Variants in DNM3 observed in about 807,000 individuals in gnomAD.
DNM3 encodes the protein dynamin 3.
Under a neutral mutation model 101.6 loss-of-function variants are expected in DNM3, and 47 were observed. The ratio of observed to expected loss-of-function variants is 0.46; its 90% CI spans 0.37 to 0.59. DNM3 has a LOEUF of 0.59. DNM3 is among the 20% of genes least tolerant of loss of function. DNM3 has a pLI of 0.00. For synonymous variants in DNM3, 385 were observed against 387.9 expected (o/e 0.99, Z 0.09); for missense variants, 849 against 1,085.7 (o/e 0.78, Z 3.06).
downstream of DNM3, chr1:172,415,165 G>T (rs80044178): frequency 6.7e-3 from 1,020 of 152,370 alleles, 9 homozygotes; most frequent in African/African-American, 0.023. Context: ...CTGGTACTTT[G>T]TCAAAGGAGT....
intron 16 of DNM3, among the ~76,000 whole-genome samples, chr1:172,314,695 C>T (rs567228792): frequency 4.6e-5 from 7 of 152,338 alleles, no homozygotes; most frequent in South Asian, 2.1e-4. Flanking sequence ...GAGGGGCGCC[C>T]GCCATTGCCC....
chr1:172,339,743 A>G (rs2066606231), intron 17 of DNM3, among the ~76,000 whole-genome samples: 1 of 152,044 alleles, frequency 6.6e-6, no homozygotes, highest in Admixed American at 6.5e-5. Context: ...TGCTTCTCTC[A>G]CCTCACATCA....
At chr1:172,173,668 T>C (rs2059048418) in intron 14 of DNM3, among the ~76,000 whole-genome samples, 1 of 151,620 alleles carries the variant, frequency 6.6e-6, no homozygotes, top group African/African-American at 2.4e-5. Flanking sequence ...CAAGGAATGA[T>C]TTCAGGGTAA....
chr1:172,290,208 A>G (rs1436711378), intron 15 of DNM3: 1 of 163,490 alleles, frequency 6.1e-6, no homozygotes, highest in African/African-American at 2.4e-5. Flanking sequence ...TAGATGAGGC[A>G]GCAGATAGTT....
intron 18 of DNM3, among the ~76,000 whole-genome samples, chr1:172,383,224 T>C (rs977384199): frequency 2.6e-5 from 4 of 152,182 alleles, no homozygotes; most frequent in African/African-American, 9.7e-5. Flanking sequence ...TCTGCTTTCT[T>C]AAATTGTAGA....
At chr1:172,014,996 G>A (rs368731693) in intron 4 of DNM3, among the ~76,000 whole-genome samples, 3 of 151,150 alleles carry the variant, frequency 2.0e-5, no homozygotes, top group South Asian at 4.2e-4. Context: ...CTTTTAGCAT[G>A]TAGGTGTCCA....
chr1:172,007,938 A>T (rs535570641), intron 4 of DNM3, among the ~76,000 whole-genome samples: 3 of 151,960 alleles, frequency 2.0e-5, no homozygotes, highest in Admixed American at 2.0e-4. Context: ...TTTCATTTGC[A>T]TTTCCCTGAT....
At chr1:172,087,563 T>G (rs896406669) in intron 12 of DNM3, among the ~76,000 whole-genome samples, 2 of 152,196 alleles carry the variant, frequency 1.3e-5, no homozygotes, top group African/African-American at 4.8e-5. Flanking sequence ...GTTCCCACTT[T>G]CTGTGGATGG....
At chr1:172,032,526 CTTTTTTTTTTTTTTTTTTTT>C (rs750270768) in intron 5 of DNM3, 26 bp downstream of exon 5, 4 of 357,656 alleles carry the variant, frequency 1.1e-5, no homozygotes, top group South Asian at 1.1e-4. Flanking sequence ...CTATACAAGA[CTTTTTTTTTTTTTTTTTTTT>C]TTTTTTTTTG....
chr1:172,035,332 A>G (rs2048881549), intron 6 of DNM3, among the ~76,000 whole-genome samples: 1 of 152,186 alleles, frequency 6.6e-6, no homozygotes, highest in Non-Finnish European at 1.5e-5. Flanking sequence ...CAGCAAAGAT[A>G]AATCTTGTTT....
At chr1:172,114,156 G>T (rs2055717144) in intron 13 of DNM3, among the ~76,000 whole-genome samples, 1 of 152,090 alleles carries the variant, frequency 6.6e-6, no homozygotes, top group South Asian at 2.1e-4. Flanking sequence ...AAGATGGAGG[G>T]GCAGTGTGGA....
intron 15 of DNM3, among the ~76,000 whole-genome samples, chr1:172,296,543 CAGAA>C (rs1266086952): frequency 6.6e-6 from 1 of 152,154 alleles, no homozygotes; most frequent in Non-Finnish European, 1.5e-5. Context: ...CTGAGGCTCC[CAGAA>C]AGAGACTTCT....
intron 4 of DNM3, among the ~76,000 whole-genome samples, chr1:171,992,574 C>A (rs181435197): frequency 7.4e-4 from 113 of 152,122 alleles, no homozygotes; most frequent in African/African-American, 2.6e-3. Context: ...TGTAAATGTT[C>A]ATGAACTTAC....
chr1:172,353,846 T>G (rs1246141252), intron 17 of DNM3, among the ~76,000 whole-genome samples: 1 of 152,146 alleles, frequency 6.6e-6, no homozygotes, highest in East Asian at 1.9e-4. Flanking sequence ...AAGTATATAT[T>G]CATATTTATA....
intron 12 of DNM3, among the ~76,000 whole-genome samples, chr1:172,085,250 A>G (rs1425231272): frequency 6.3e-5 from 8 of 127,840 alleles, no homozygotes; most frequent in South Asian, 2.4e-4. Flanking sequence ...TCTGCTTTAG[A>G]AAAAAAAAAA....
intron 17 of DNM3, among the ~76,000 whole-genome samples, chr1:172,346,467 A>G (rs1471811124): frequency 6.6e-6 from 1 of 152,186 alleles, no homozygotes; most frequent in African/African-American, 2.4e-5. Context: ...CAGTGAAGAC[A>G]TTTAAACATG....
chr1:171,992,724 A>G (rs1241821460), intron 4 of DNM3, among the ~76,000 whole-genome samples: 3 of 152,088 alleles, frequency 2.0e-5, no homozygotes. Context: ...GTCATTACTG[A>G]TGAGATAGAA....
intron 14 of DNM3, among the ~76,000 whole-genome samples, chr1:172,175,947 C>G (rs988438823): frequency 6.6e-6 from 1 of 151,702 alleles, no homozygotes; most frequent in African/African-American, 2.4e-5. Context: ...ATAATCCCCT[C>G]TCATGTTGTT....
chr1:172,119,354 C>T (rs756517974), intron 13 of DNM3, among the ~76,000 whole-genome samples: 22 of 152,064 alleles, frequency 1.4e-4, no homozygotes, highest in South Asian at 8.3e-4. Context: ...AAAAATTTTA[C>T]GTTTGACCTT....
Sources: gnomAD v4.1 joint callset for allele counts (sites outside exome capture counted in the v4.1 genomes callset) on GRCh38, gnomAD v4.1.1 for gene constraint, MANE v1.5 for transcripts, NCBI Gene and HGNC (gene_info 2026-07-23, HGNC 2026-07-21) for gene names.